HMGN5: variants seen among roughly 807,000 people sequenced by gnomAD.
HMGN5 encodes high mobility group nucleosome-binding domain-containing protein 5.
HMGN5 carries 4 observed loss-of-function variants against 9.5 expected under a neutral mutation model. The ratio of observed to expected loss-of-function variants is 0.42; its 90% CI spans 0.21 to 0.96. The LOEUF (loss-of-function observed/expected upper bound fraction) is 0.96, where lower values mean the gene tolerates loss of function less well. Ranked by LOEUF, HMGN5 falls within the 40% of genes least tolerant of loss-of-function variation. HMGN5 has a pLI of 0.30. For synonymous variants in HMGN5, 55 were observed against 57.1 expected (o/e 0.96, Z 0.16); for missense variants, 192 against 187.5 (o/e 1.02, Z -0.14).
chrX:81,162,077 G>C (rs1030010266), intron 1 of HMGN5, among the ~76,000 whole-genome samples: 8 of 111,071 alleles, frequency 7.2e-5, no homozygotes, highest in Admixed American at 1.9e-4. Context: ...CTTTCAGACA[G>C]AACAAAGGCC....
Position 81,123,893 on chromosome X carries a change from T to C in HMGN5, c.-123-2221A>G, listed in dbSNP as rs1026901040. ...AAGGGTTTGATTGAGGAAGTGGAATTTGGCTTGCCTGTGAACAGTTCGGTA... is the reference window on the plus strand; with the variant it reads ...AAGGGTTTGATTGAGGAAGTGGAATCTGGCTTGCCTGTGAACAGTTCGGTA... On this transcript the variant is annotated intron_variant, in intron 1 of 6. Transcript: ENST00000358130. Among the ~76,000 whole-genome samples the C allele has an allele frequency of 1.1e-4, 12 of 112,135 alleles. 1 individual carries two copies. The Admixed American group carries it at 1.1e-3, about 11-fold the overall frequency.
chrX:81,127,615 C>T (rs761349670), intron 1 of HMGN5, among the ~76,000 whole-genome samples: 3 of 110,971 alleles, frequency 2.7e-5, no homozygotes, highest in Non-Finnish European at 3.8e-5. Flanking sequence ...TAGAGCCTTA[C>T]TTATCATTTT....
intron 1 of HMGN5, among the ~76,000 whole-genome samples, chrX:81,161,877 C>T (rs759225385): frequency 5.4e-5 from 6 of 111,168 alleles, no homozygotes; most frequent in Middle Eastern, 4.7e-3. Flanking sequence ...AGGAAATATA[C>T]GAGCTAAAGG....
chrX:81,126,416 G>T (rs950571110), intron 1 of HMGN5, among the ~76,000 whole-genome samples: 1 of 111,122 alleles, frequency 9.0e-6, no homozygotes, highest in Non-Finnish European at 1.9e-5. Flanking sequence ...TCTCTAGTCA[G>T]TTTTCTATAC....
chrX:81,150,057 G>T (rs1210409120), intron 1 of HMGN5, among the ~76,000 whole-genome samples: 2 of 111,881 alleles, frequency 1.8e-5, no homozygotes, highest in African/African-American at 6.5e-5. Flanking sequence ...TAGACCAAAT[G>T]ATTCTAACAG....
At chrX:81,156,806 G>A (rs1296069737) in intron 1 of HMGN5, among the ~76,000 whole-genome samples, 1 of 109,813 alleles carries the variant, frequency 9.1e-6, no homozygotes, top group African/African-American at 3.3e-5. Context: ...TGGCTTCTCC[G>A]AAGATTGATT....
intron 1 of HMGN5, among the ~76,000 whole-genome samples, chrX:81,152,664 TAA>T (rs1220034752): frequency 9.0e-6 from 1 of 111,049 alleles, no homozygotes; most frequent in African/African-American, 3.3e-5. Flanking sequence ...CAAAGGACTA[TAA>T]ATCATGCTGC....
At chrX:81,117,536 C>T (rs1357089285) in intron 5 of HMGN5, among the ~76,000 whole-genome samples, 2 of 110,816 alleles carry the variant, frequency 1.8e-5, no homozygotes, top group Middle Eastern at 4.3e-3. Context: ...TAAGCCACCA[C>T]GTCTGGCCTT....
chrX:81,168,763 A>G (rs762765843), intron 1 of HMGN5, among the ~76,000 whole-genome samples: 1 of 111,943 alleles, frequency 8.9e-6, no homozygotes, highest in Non-Finnish European at 1.9e-5. Context: ...GATCTAATAC[A>G]GCGGGTCTAC....
intron 1 of HMGN5, among the ~76,000 whole-genome samples, chrX:81,200,116 T>C (rs142275461): frequency 2.7e-5 from 3 of 112,728 alleles, no homozygotes; most frequent in East Asian, 5.6e-4. Context: ...AACAGACATA[T>C]GCAAAAATGC....
At chrX:81,183,754 G>C (rs1384671544) in intron 1 of HMGN5, among the ~76,000 whole-genome samples, 1 of 112,817 alleles carries the variant, frequency 8.9e-6, no homozygotes, top group Non-Finnish European at 1.9e-5. Flanking sequence ...TGGTGTCAAA[G>C]ATTATTTTGG....
At chrX:81,116,546 A>C (rs2075254285) in intron 5 of HMGN5, among the ~76,000 whole-genome samples, 1 of 112,108 alleles carries the variant, frequency 8.9e-6, no homozygotes, top group South Asian at 3.7e-4. Flanking sequence ...AAAAATGAAC[A>C]ATGTTCCCTT....
At chrX:81,145,994 T>G (rs1230453848) in intron 1 of HMGN5, among the ~76,000 whole-genome samples, 1 of 111,238 alleles carries the variant, frequency 9.0e-6, no homozygotes, top group Non-Finnish European at 1.9e-5. Flanking sequence ...GCACCCAGAT[T>G]GATAGAGCAA....
intron 1 of HMGN5, among the ~76,000 whole-genome samples, chrX:81,185,089 A>G (rs764327757): frequency 2.7e-5 from 3 of 111,689 alleles, no homozygotes; most frequent in Non-Finnish European, 5.6e-5. Context: ...TTTTCTTAGA[A>G]TAGCTTTGGC....
chrX:81,152,419 G>A (rs2075366176), intron 1 of HMGN5, among the ~76,000 whole-genome samples: 1 of 111,001 alleles, frequency 9.0e-6, no homozygotes, highest in South Asian at 3.8e-4. Flanking sequence ...GGCCATCAGA[G>A]AAATGCAAAT....
intron 1 of HMGN5, among the ~76,000 whole-genome samples, chrX:81,140,288 C>T (rs1053078892): frequency 9.0e-5 from 10 of 111,216 alleles, no homozygotes; most frequent in Admixed American, 5.7e-4. Flanking sequence ...GGGCCGCGTG[C>T]GGTGACTCAC....
chrX:81,163,504 A>C (rs1414110896), intron 1 of HMGN5, among the ~76,000 whole-genome samples: 1 of 112,103 alleles, frequency 8.9e-6, no homozygotes, highest in African/African-American at 3.2e-5. Context: ...GTTCTGGCTG[A>C]GGAATTCCAT....
At chrX:81,134,193 C>T (rs1487640082) in intron 1 of HMGN5, among the ~76,000 whole-genome samples, 1 of 111,308 alleles carries the variant, frequency 9.0e-6, no homozygotes, top group Non-Finnish European at 1.9e-5. Context: ...AGAAATCATG[C>T]TATGTACTGT....
At chrX:81,191,107 T>C (rs1187147164) in intron 1 of HMGN5, among the ~76,000 whole-genome samples, 1 of 112,055 alleles carries the variant, frequency 8.9e-6, no homozygotes, top group Non-Finnish European at 1.9e-5. Context: ...CAAATACCAT[T>C]CTATTTACAT....
Sources: gnomAD v4.1 joint callset for allele counts (sites outside exome capture counted in the v4.1 genomes callset) on GRCh38, gnomAD v4.1.1 for gene constraint, MANE v1.5 for transcripts, NCBI Gene and HGNC (gene_info 2026-07-23, HGNC 2026-07-21) for gene names.